Variants in MFRP observed in about 807,000 individuals in gnomAD.
The protein encoded by MFRP is C1q and TNF related 5.
Under a neutral mutation model 65.8 loss-of-function variants are expected in MFRP, and 74 were observed. The observed-to-expected ratio is 1.12, with a 90% confidence interval of 0.93 to 1.36. The LOEUF is 1.36. Among genes scored for constraint, MFRP ranks in the 40% most tolerant of loss-of-function variants. The probability of loss-of-function intolerance (pLI) is 0.00; values close to 1 mark genes in which losing one functional copy is unlikely to be tolerated. For missense variants in MFRP, 838 were observed against 736.0 expected (o/e 1.14, Z -1.60); for synonymous variants, 336 against 288.3 (o/e 1.17, Z -1.68).
rs548473478 is a variant in MFRP, at chr11:119,340,718, C to A, written c.*830G>T. ...ACCCCCCCTCCCGGCTCCCCGATGG[C>A]CTCCTTCGGGGCGCTCGCTACTCCG... On this transcript the variant is annotated 3_prime_UTR_variant, in exon 13 of 15. Transcript: ENST00000619721. The A allele has an allele frequency of 2.5e-6, 1 of 393,180 alleles. No individual in the cohort carries two copies. Among genetic ancestry groups the A allele is most frequent in the Non-Finnish European group, 4.6e-6 (1 of 215,880 alleles). The allele number at this position is 393,180 out of a possible 1,614,324, so 24.4% of individuals were successfully genotyped here.
Position 119,339,511 on chromosome 11 carries a change from C to A in MFRP, c.*1448G>T, listed in dbSNP as rs199537571. 17 of 1,613,622 alleles carry A rather than the reference C, an allele frequency of 1.1e-5. No homozygotes were observed. Among genetic ancestry groups the A allele is most frequent in the East Asian group, 2.2e-5 (1 of 44,878 alleles). Reference sequence around the variant, plus strand: ...CCGAGAGCGAGGCTGGCTTGGGCCACCCCCCGAAAAACTGGAAGAAAGAGG... The same window carrying A: ...CCGAGAGCGAGGCTGGCTTGGGCCAACCCCCGAAAAACTGGAAGAAAGAGG... On this transcript the variant is annotated 3_prime_UTR_variant, in exon 15 of 15. Transcript: ENST00000619721. The surrounding 1 kb of genome is among the most constrained non-coding windows in gnomAD (Gnocchi z 5.4).
intron 9 of MFRP, among the ~76,000 whole-genome samples, chr11:119,343,279 G>A (rs1218778505): frequency 6.6e-6 from 1 of 152,266 alleles, no homozygotes; most frequent in Non-Finnish European, 1.5e-5. Context: ...GGGAGGCTGA[G>A]TAGGGAGGAT....
chr11:119,339,995 C>A lies in MFRP; in HGVS notation c.*1111-147G>T, dbSNP rs1481433302. The A allele has an allele frequency of 2.3e-6, 3 of 1,299,226 alleles. No homozygotes were observed. In the East Asian group the frequency reaches 8.4e-5, roughly 36 times the overall value. 80.5% of individuals were successfully genotyped at this position (1,299,226 alleles called of 1,614,324 possible). A position where few individuals can be genotyped will look rare whatever the true frequency, so the allele number is the denominator to read the frequency against. On this transcript the variant is annotated intron_variant, in intron 14 of 14. Coordinates refer to ENST00000619721, the MANE Select transcript of MFRP (RefSeq NM_031433.4). This position sits in a 1 kb window ranked among gnomAD's most constrained non-coding sequence, Gnocchi z 5.4. Reference sequence around the variant, plus strand: ...CGCACGGGTACCTCCTCCACCCCTTCCCGCAGGGCAGATCTGGGGGGCTGG... The same window carrying A: ...CGCACGGGTACCTCCTCCACCCCTTACCGCAGGGCAGATCTGGGGGGCTGG...
At position 119,340,754 on chromosome 11, in the gene MFRP, TTGG is replaced by T. The variant is rs1950495488; in HGVS notation, c.*791_*793del. The stretch of plus-strand genomic sequence containing the variant: ...GCGCTCGCTACTCCGGACCCTCCAG[TTGG>T]TGGTGCTCCAGCCCCCGCGCTTCTC... On this transcript the variant is annotated 3_prime_UTR_variant, in exon 13 of 15. Coordinates refer to ENST00000619721, the MANE Select transcript of MFRP (RefSeq NM_031433.4). The T allele has an allele frequency of 3.3e-6, 1 of 299,048 alleles. No individual in the cohort carries two copies. Among genetic ancestry groups the T allele is most frequent in the Non-Finnish European group, 6.3e-6 (1 of 159,650 alleles). 18.5% of individuals were successfully genotyped at this position (299,048 alleles called of 1,614,324 possible).
chr11:119,341,264 A>G lies in MFRP; in HGVS notation c.*284T>C. The G allele has an allele frequency of 2.0e-6, 1 of 494,522 alleles. No homozygotes were observed. The allele number at this position is 494,522 out of a possible 1,614,324, so 30.6% of individuals were successfully genotyped here. A position where few individuals can be genotyped will look rare whatever the true frequency, so the allele number is the denominator to read the frequency against. On this transcript the variant is annotated 3_prime_UTR_variant, in exon 13 of 15. Coordinates refer to ENST00000619721, the MANE Select transcript of MFRP (RefSeq NM_031433.4). ...AGGCAGGCGATGGAGAAGCTGAAAA[A>G]GCAGATGGAAAGGGGAAGAGGCCTG...
In MFRP at chr11:119,346,281, GAGCTGGGACGCTGT is replaced by G. The variant is rs777275205; in HGVS notation, c.134_147del (p.Tyr45SerfsTer54). On this transcript the variant is annotated frameshift_variant, in exon 2 of 15. Coordinates refer to ENST00000619721, the MANE Select transcript of MFRP (RefSeq NM_031433.4). LOFTEE classifies it high-confidence loss of function. ...CCCCTGGGATGGTTACCATGCCAGG[GAGCTGGGACGCTGT>G]AGCTGGCATCCTCTGGGAAAACTGG... 5 of 1,613,132 alleles carry G rather than the reference GAGCTGGGACGCTGT, an allele frequency of 3.1e-6. No homozygotes were observed. The highest frequency in any genetic ancestry group is 4.2e-6 in the Non-Finnish European group (5 of 1,179,644).
In MFRP at chr11:119,340,726, G is replaced by T; in HGVS notation, c.*822C>A. 2.6e-6 allele frequency: 1 copy of T among 378,140 alleles called. No homozygotes were observed. The highest frequency in any genetic ancestry group is 4.8e-6 in the Non-Finnish European group (1 of 207,478). The allele number at this position is 378,140 out of a possible 1,614,324, so 23.4% of individuals were successfully genotyped here. On this transcript the variant is annotated 3_prime_UTR_variant, in exon 13 of 15. Transcript: ENST00000619721. ...TCCCGGCTCCCCGATGGCCTCCTTC[G>T]GGGCGCTCGCTACTCCGGACCCTCC...
chr11:119,343,596 G>A (rs1477770284), intron 9 of MFRP, among the ~76,000 whole-genome samples: 3 of 152,190 alleles, frequency 2.0e-5, no homozygotes, highest in African/African-American at 7.2e-5. Flanking sequence ...AGGAACTGGG[G>A]CAGGGAGAGG....
rs1950478441 is a variant in MFRP at position 119,339,719 on chromosome 11, A to G, written c.*1240T>C. ...CAAGGGTGCGTCAGACGGCGGAGGC[A>G]CCCGGCTCTCGGAGCGCTTGGCGCT... On this transcript the variant is annotated 3_prime_UTR_variant, in exon 15 of 15. Transcript: ENST00000619721. The surrounding 1 kb of genome is among the most constrained non-coding windows in gnomAD (Gnocchi z 5.4). The G allele has an allele frequency of 3.1e-6, 5 of 1,602,236 alleles. No homozygotes were observed. Among genetic ancestry groups the G allele is most frequent in the Non-Finnish European group, 4.2e-6 (5 of 1,178,540 alleles).
intron 10 of MFRP, 56 bp from the exon 11 acceptor site, chr11:119,342,783 C>T: frequency 1.2e-6 from 2 of 1,613,062 alleles, no homozygotes; most frequent in Non-Finnish European, 1.7e-6. Context: ...CCCCAGTACC[C>T]CCAGAGTGTC....
chr11:119,341,306 G>A lies in MFRP; in HGVS notation c.*242C>T. The A allele has an allele frequency of 1.8e-6, 1 of 570,320 alleles. No homozygotes were observed. Among genetic ancestry groups the A allele is most frequent in the Non-Finnish European group, 3.1e-6 (1 of 319,850 alleles). 35.3% of individuals were successfully genotyped at this position (570,320 alleles called of 1,614,324 possible). A position where few individuals can be genotyped will look rare whatever the true frequency, so the allele number is the denominator to read the frequency against. On this transcript the variant is annotated 3_prime_UTR_variant, in exon 13 of 15. Transcript: ENST00000619721. ...AGAGGCCTGGATGGGAAGTGGTCTC[G>A]ATTGTCCGGTGGCACAGTGTGGGGC...
Position 119,342,838 on chromosome 11 carries a change from CTA to C in MFRP, c.1255+33_1255+34del, listed in dbSNP as rs199473711. On this transcript the variant is annotated intron_variant, in intron 10 of 14. Transcript: ENST00000619721. ...CTTGTCTGTCCCCCTGGAGGTGCCT[CTA>C]CTGCCCCCACCCACTTGCCCAGGGG... 425 of 1,613,074 alleles carry C rather than the reference CTA, an allele frequency of 2.6e-4. 5 individuals are homozygous for C. In the South Asian group the frequency reaches 3.9e-3, roughly 15 times the overall value.
chr11:119,340,197 C>G lies in MFRP; in HGVS notation c.*1097G>C. ...GTGCCTTCTTACCCGGCCTCCCGCC[C>G]TCGCCTTTCTCTCCCGGAGCCCCGG... On this transcript the variant is annotated 3_prime_UTR_variant, in exon 14 of 15. Coordinates refer to ENST00000619721, the MANE Select transcript of MFRP (RefSeq NM_031433.4). The G allele has an allele frequency of 6.6e-7, 1 of 1,516,290 alleles. No individual in the cohort carries two copies. Among genetic ancestry groups the G allele is most frequent in the Non-Finnish European group, 8.8e-7 (1 of 1,134,904 alleles). The allele number at this position is 1,516,290 out of a possible 1,614,324, so 93.9% of individuals were successfully genotyped here.
chr11:119,344,012 C>T (rs749549118), intron 8 of MFRP, 48 bp from the exon 9 acceptor site: 3 of 1,606,892 alleles, frequency 1.9e-6, no homozygotes, highest in African/African-American at 1.3e-5. Context: ...TCTCCTGTCT[C>T]ATCCCGGGCA....
At position 119,345,191 on chromosome 11, in the gene MFRP, C is replaced by T. The variant is rs12421909; in HGVS notation, c.642-187G>A. Among the ~76,000 whole-genome samples the T allele has an allele frequency of 0.083, 12,652 of 152,250 alleles. 812 individuals carry two copies. Among genetic ancestry groups the T allele is most frequent in the East Asian group, 0.29 (1,515 of 5,174 alleles). On this transcript the variant is annotated intron_variant, in intron 5 of 14. Transcript: ENST00000619721. ...ACCTGCACATTTATCCTTGTAGCAT[C>T]TACTCATGGGGAGATAGGCAGGAGA...
intron 9 of MFRP, 141 bp downstream of exon 9, chr11:119,343,675 G>A (rs1591303807): frequency 9.6e-7 from 1 of 1,046,132 alleles, no homozygotes; most frequent in East Asian, 2.4e-5. Flanking sequence ...GCTGTCTTTA[G>A]GGTGATGGTG....
rs1445324308 is a variant in MFRP at position 119,342,657 on chromosome 11, C to T, written c.1326G>A (p.Met442Ile). The change falls in exon 11 of 15, where the codon ATG (methionine) becomes ATA (isoleucine). Residue 442 changes from methionine to isoleucine, a missense_variant. Transcript: ENST00000619721. ...GCKGVQWMCD[M>I]WRDCTDGSDD... The stretch of plus-strand genomic sequence containing the variant: ...CGCTGCCATCGGTGCAGTCTCTCCA[C>T]ATGTCACACATCCACTGCACACCCT... 1.3e-5 allele frequency: 21 copies of T among 1,613,642 alleles called. No homozygotes were observed. The highest frequency in any genetic ancestry group is 1.6e-5 in the Non-Finnish European group (19 of 1,179,978).
chr11:119,344,332 G>A lies in MFRP; in HGVS notation c.958C>T (p.Gln320Ter), dbSNP rs797045054. The A allele has an allele frequency of 1.2e-6, 2 of 1,614,016 alleles. No homozygotes were observed. The highest frequency in any genetic ancestry group is 1.1e-5 in the South Asian group (1 of 91,080). Residue 320 changes from glutamine (Q) to a stop codon, truncating the protein, a stop_gained, in exon 8 of 15, where the codon CAG becomes TAG. Transcript: ENST00000619721. LOFTEE classifies it high-confidence loss of function. ...GTFSTPSYLQ[Q>*]YPHQLLCTWH... is the part of the protein sequence containing the mutation. ...GTGCTTACCAGTTGGTGAGGGTACT[G>A]CTGCAGGTAGCTGGGAGTAGAGAAA... is the stretch of plus-strand genomic sequence containing the variant.
chr11:119,344,384 C>G lies in MFRP; in HGVS notation c.906G>C (p.Gly302=). ...TGCCCTGGAGGCCAGTCAGATTCCC[C>G]CCACACCCTGTAGAGAGGTGGAAGG... ...TNCSAKFSGC[G]GNLTGLQGTF... is the part of the protein sequence containing the mutation. The change falls in exon 8 of 15, where the codon GGG becomes GGC. Residue 302 remains glycine (G), a synonymous_variant. Coordinates refer to ENST00000619721, the MANE Select transcript of MFRP (RefSeq NM_031433.4). 6.2e-7 allele frequency: 1 copy of G among 1,613,712 alleles called. No individual in the cohort carries two copies. Among genetic ancestry groups the G allele is most frequent in the Non-Finnish European group, 8.5e-7 (1 of 1,179,852 alleles).
Sources: gnomAD v4.1 joint callset for allele counts (sites outside exome capture counted in the v4.1 genomes callset) on GRCh38, gnomAD v4.1.1 for gene constraint, Gnocchi (gnomAD v3.1) non-coding constraint, MANE v1.5 for transcripts, NCBI Gene and HGNC (gene_info 2026-07-23, HGNC 2026-07-21) for gene names.